The following EYS variants were observed in gnomAD, a reference collection of about 807,000 sequenced individuals.
EYS encodes the protein protein eyes shut homolog.
A neutral mutation model predicts 282.1 loss-of-function variants in EYS; 250 were observed. The observed-to-expected ratio is 0.89, with a 90% CI of 0.80 to 0.98. The LOEUF is 0.98. Among genes scored for constraint, EYS ranks in the 50% least tolerant of loss-of-function variants. EYS has a pLI of 0.00. For missense variants in EYS, 4,016 were observed against 3,709.0 expected, an observed-to-expected ratio of 1.08 and a Z score of -2.15; for synonymous variants, 1,355 against 1,282.9, an observed-to-expected ratio of 1.06 and a Z score of -1.20.
chr6:64,943,510 C>A, intron 15 of EYS, among the ~76,000 whole-genome samples: 1 of 152,070 alleles, frequency 6.6e-6, no homozygotes, highest in Non-Finnish European at 1.5e-5. Context: ...AAATCAGTAA[C>A]ATTTCTATGC....
At chr6:65,553,444 T>A (rs1161902539) in intron 2 of EYS, among the ~76,000 whole-genome samples, 1 of 152,126 alleles carries the variant, frequency 6.6e-6, no homozygotes, top group Non-Finnish European at 1.5e-5. Context: ...AACAAGAATC[T>A]GGATTATACT....
intron 30 of EYS, among the ~76,000 whole-genome samples, chr6:64,283,374 A>C (rs1227893452): frequency 4.6e-5 from 7 of 152,160 alleles, no homozygotes; most frequent in Admixed American, 2.0e-4. Flanking sequence ...TTAATTTATT[A>C]GTTTGTAGCC....
At chr6:65,583,245 T>C (rs1219560073) in intron 2 of EYS, among the ~76,000 whole-genome samples, 2 of 152,198 alleles carry the variant, frequency 1.3e-5, no homozygotes, top group Admixed American at 6.6e-5. Context: ...AGTATACTTA[T>C]TTTAATATTG....
chr6:65,472,064 T>A (rs1465084191), intron 5 of EYS, among the ~76,000 whole-genome samples: 1 of 152,098 alleles, frequency 6.6e-6, no homozygotes, highest in Non-Finnish European at 1.5e-5. Context: ...TACATTTTTT[T>A]ATGGACACAA....
chr6:64,437,685 C>G (rs1197409603), intron 27 of EYS, among the ~76,000 whole-genome samples: 1 of 150,268 alleles, frequency 6.7e-6, no homozygotes, highest in Non-Finnish European at 1.5e-5. Context: ...CAAAGTGGAA[C>G]ACACAGAATT....
At chr6:65,489,405 G>A (rs1765940162) in intron 5 of EYS, 1 of 152,148 alleles carries the variant, frequency 6.6e-6, no homozygotes, top group Non-Finnish European at 1.5e-5. Context: ...TTAGAGAAAT[G>A]CAAATCAAAG....
intron 26 of EYS, among the ~76,000 whole-genome samples, chr6:64,460,492 G>A (rs952105861): frequency 2.0e-5 from 3 of 152,134 alleles, no homozygotes; most frequent in Non-Finnish European, 2.9e-5. Context: ...TTCCAGATAT[G>A]TTGCTGCTTG....
intron 34 of EYS, among the ~76,000 whole-genome samples, chr6:63,986,308 T>C (rs1381227465): frequency 6.6e-6 from 1 of 151,748 alleles, no homozygotes; most frequent in Non-Finnish European, 1.5e-5. Context: ...AAAGGAACAC[T>C]TATACACTGT....
chr6:64,424,278 G>C (rs6931723), intron 28 of EYS, among the ~76,000 whole-genome samples: 4,333 of 152,174 alleles, frequency 0.028, 192 homozygotes, highest in African/African-American at 0.099. Flanking sequence ...AAACTTCATA[G>C]GCATCTGTTT....
At chr6:65,032,918 T>C (rs1383731298) in intron 13 of EYS, among the ~76,000 whole-genome samples, 1 of 148,578 alleles carries the variant, frequency 6.7e-6, no homozygotes, top group Non-Finnish European at 1.5e-5. Context: ...GTGACCAAAA[T>C]GCTGCTAATG....
At chr6:63,860,717 C>T (rs1244059336) in intron 36 of EYS, among the ~76,000 whole-genome samples, 3 of 152,186 alleles carry the variant, frequency 2.0e-5, no homozygotes, top group Admixed American at 6.5e-5. Flanking sequence ...TATCCAGGTT[C>T]TATTTTTATG....
At chr6:64,160,950 C>CTAGG (rs1009511057) in intron 31 of EYS, among the ~76,000 whole-genome samples, 8 of 152,092 alleles carry the variant, frequency 5.3e-5, no homozygotes, top group African/African-American at 1.9e-4. Flanking sequence ...AGTTTACAGT[C>CTAGG]TAGGTATCCT....
rs575491601 is a variant in EYS at position 65,588,396 on chromosome 6, TGGCGGGG to T, written c.-333+51375_-333+51381del. On this transcript the variant is annotated intron_variant, in intron 2 of 42. Transcript: ENST00000503581. ...TATCTCCAGATGTGGGCCTGTCATGTGGCGGGGGGAGTATCTGCTGAGCCTCTTAAGA... is the reference window on the plus strand; with the variant it reads ...TATCTCCAGATGTGGGCCTGTCATGTGGAGTATCTGCTGAGCCTCTTAAGA... Among the ~76,000 whole-genome samples, 1,137 of 152,132 alleles carry T rather than the reference TGGCGGGG, an allele frequency of 7.5e-3. 8 individuals carry two copies. The highest frequency in any genetic ancestry group is 0.013 in the Non-Finnish European group (859 of 67,978).
At chr6:64,704,094 G>A (rs995075878) in intron 22 of EYS, among the ~76,000 whole-genome samples, 4 of 151,762 alleles carry the variant, frequency 2.6e-5, no homozygotes, top group Non-Finnish European at 4.4e-5. Flanking sequence ...AAAAACTTCA[G>A]TGAAAAATAT....
At chr6:65,371,992 G>GCAAAAAAAAAAAAAAAAAAA (rs1562130139) in intron 8 of EYS, among the ~76,000 whole-genome samples, 1 of 123,878 alleles carries the variant, frequency 8.1e-6, no homozygotes. Flanking sequence ...GAGGATAATT[G>GCAAAAAAAAAAAAAAAAAAA]TAAAAAAAAA....
intron 22 of EYS, among the ~76,000 whole-genome samples, chr6:64,751,089 G>C (rs1286703701): frequency 6.6e-6 from 1 of 151,642 alleles, no homozygotes; most frequent in Non-Finnish European, 1.5e-5. Flanking sequence ...ATATCTCCTG[G>C]CTTTTGGTAC....
At position 64,066,452 on chromosome 6, in the gene EYS, A is replaced by C; in HGVS notation, c.6611T>G (p.Phe2204Cys). 6.5e-7 allele frequency: 1 copy of C among 1,547,856 alleles called. No individual in the cohort carries two copies. The highest frequency in any genetic ancestry group is 8.7e-7 in the Non-Finnish European group (1 of 1,143,750). Residue 2204 changes from phenylalanine to cysteine, a missense_variant, in exon 33 of 43, where the codon TTT (phenylalanine) becomes TGT (cysteine). By Grantham distance (205) the Phe-to-Cys change is radical. Transcript: ENST00000503581. ...AACTGATGGCCTTCCTTCCACAAGA[A>C]ATAAATGAAGAAACTGCTTTCCACA... ...NNCGKQFLHL[F>C]LVEGRPSVKY...
At chr6:64,060,596 TTC>T (rs1298139171) in intron 33 of EYS, among the ~76,000 whole-genome samples, 4 of 152,206 alleles carry the variant, frequency 2.6e-5, no homozygotes, top group Admixed American at 2.6e-4. Context: ...TACAATAAAT[TTC>T]TTTCTTAAAC....
At chr6:64,860,704 T>G (rs1427516304) in intron 19 of EYS, among the ~76,000 whole-genome samples, 1 of 152,216 alleles carries the variant, frequency 6.6e-6, no homozygotes, top group Non-Finnish European at 1.5e-5. Context: ...TTTTCAGCCC[T>G]GTTTGTGTTA....
Sources: allele counts gnomAD v4.1 joint callset (sites outside exome capture counted in the v4.1 genomes callset), GRCh38; gene constraint gnomAD v4.1.1; transcripts MANE v1.5; gene names NCBI Gene and HGNC (gene_info 2026-07-23, HGNC 2026-07-21).